SUSD5: variants seen among roughly 807,000 people sequenced by gnomAD.
SUSD5 encodes sushi domain containing 5.
A neutral mutation model predicts 29.5 loss-of-function variants in SUSD5; 33 were observed. The ratio of observed to expected loss-of-function variants is 1.12; its 90% CI spans 0.85 to 1.49. The LOEUF is 1.49. SUSD5 is among the 40% of genes most tolerant of loss of function. The pLI is 0.00. For missense variants in SUSD5, 776 were observed against 800.6 expected (o/e 0.97, Z 0.37); for synonymous variants, 308 against 325.3 (o/e 0.95, Z 0.57).
At chr3:33,192,926 G>T (rs957838049) in intron 3 of SUSD5, among the ~76,000 whole-genome samples, 22 of 152,090 alleles carry the variant, frequency 1.4e-4, no homozygotes, top group African/African-American at 5.1e-4. Flanking sequence ...CTAATTTGAA[G>T]TTTCACCATT....
At chr3:33,179,132 G>A (rs1027568413) in intron 3 of SUSD5, among the ~76,000 whole-genome samples, 1 of 152,198 alleles carries the variant, frequency 6.6e-6, no homozygotes, top group Admixed American at 6.5e-5. Flanking sequence ...CTATAGGCCT[G>A]TTCAGATTGC....
intron 4 of SUSD5, among the ~76,000 whole-genome samples, chr3:33,169,133 A>G (rs899780444): frequency 6.6e-6 from 1 of 152,252 alleles, no homozygotes; most frequent in Non-Finnish European, 1.5e-5. Flanking sequence ...AAAGGGGCAC[A>G]AGGAAACTTG....
Position 33,213,971 on chromosome 3 carries a change from A to C in SUSD5, c.247T>G (p.Phe83Val). The change falls in exon 2 of 5, where the codon TTT (phenylalanine) becomes GTT (valine). Residue 83 changes from phenylalanine (F) to valine (V), a missense_variant. Physicochemically the swap from Phe to Val is conservative, Grantham distance 50. Transcript: ENST00000309558. ...ELRRVVQDCS[F>V]AVCTTGWLAD... ...AGCCAGCCAGTGGTGCACACCGCAA[A>C]GGAGCAATCCTGTACCACTCTCCGC... is the stretch of plus-strand genomic sequence containing the variant. 6.2e-7 allele frequency: 1 copy of C among 1,612,332 alleles called. No homozygotes were observed. Among genetic ancestry groups the C allele is most frequent in the South Asian group, 1.1e-5 (1 of 90,776 alleles).
chr3:33,208,801 A>G (rs2032270107), intron 2 of SUSD5, among the ~76,000 whole-genome samples: 1 of 152,250 alleles, frequency 6.6e-6, no homozygotes, highest in Non-Finnish European at 1.5e-5. Context: ...AAAACACTAC[A>G]TATGAATACA....
chr3:33,197,818 C>T (rs181392941), intron 3 of SUSD5, among the ~76,000 whole-genome samples: 117 of 152,142 alleles, frequency 7.7e-4, no homozygotes, highest in African/African-American at 2.7e-3. Context: ...ATTTTATTGC[C>T]AAATACTAAT....
intron 3 of SUSD5, among the ~76,000 whole-genome samples, chr3:33,184,731 T>C (rs1301024266): frequency 1.3e-5 from 2 of 152,254 alleles, no homozygotes; most frequent in African/African-American, 4.8e-5. Context: ...GTTACAGTGC[T>C]CTTGATCTCT....
chr3:33,193,582 G>C (rs1426072790), intron 3 of SUSD5, among the ~76,000 whole-genome samples: 1 of 152,066 alleles, frequency 6.6e-6, no homozygotes, highest in Non-Finnish European at 1.5e-5. Flanking sequence ...GGTCTGGAGA[G>C]ATTAGGCTTG....
At chr3:33,182,444 C>T (rs988369790) in intron 3 of SUSD5, among the ~76,000 whole-genome samples, 3 of 152,200 alleles carry the variant, frequency 2.0e-5, no homozygotes, top group African/African-American at 7.2e-5. Context: ...ATCTAGTTAA[C>T]TAAATTGGCT....
At position 33,202,084 on chromosome 3, in the gene SUSD5, T is replaced by C. The variant is rs182907472; in HGVS notation, c.409+5724A>G. ...TCTGTCTATCTATCTATCTATCATC[T>C]ATCTATCATCTATCTGAAGCACCCA... is the stretch of plus-strand genomic sequence containing the variant. On this transcript the variant is annotated intron_variant, in intron 3 of 4. Coordinates refer to ENST00000309558, the MANE Select transcript of SUSD5 (RefSeq NM_015551.2). Among the ~76,000 whole-genome samples, 55 of 150,072 alleles carry C rather than the reference T, an allele frequency of 3.7e-4. No individual in the cohort carries two copies. In the South Asian group the frequency reaches 5.6e-3, roughly 15 times the overall value.
chr3:33,172,538 G>A (rs2031458573), intron 4 of SUSD5, among the ~76,000 whole-genome samples: 1 of 152,152 alleles, frequency 6.6e-6, no homozygotes, highest in South Asian at 2.1e-4. Flanking sequence ...TGGACCAACA[G>A]GAAGCTTGGT....
At chr3:33,183,130 A>G (rs2031707020) in intron 3 of SUSD5, among the ~76,000 whole-genome samples, 1 of 152,194 alleles carries the variant, frequency 6.6e-6, no homozygotes, top group Non-Finnish European at 1.5e-5. Flanking sequence ...CTTTATACTT[A>G]CAGTGGGTTT....
intron 3 of SUSD5, among the ~76,000 whole-genome samples, chr3:33,186,337 T>C (rs769148721): frequency 6.6e-6 from 1 of 151,248 alleles, no homozygotes; most frequent in Non-Finnish European, 1.5e-5. Flanking sequence ...TGAGAAATGA[T>C]GAAAATAGAA....
chr3:33,156,145 A>T (rs1242902906), intron 4 of SUSD5, among the ~76,000 whole-genome samples: 1 of 151,556 alleles, frequency 6.6e-6, no homozygotes, highest in Non-Finnish European at 1.5e-5. Context: ...GGTTCAAGCG[A>T]TTCTCCTGCC....
chr3:33,174,460 C>G (rs981091465), intron 4 of SUSD5, among the ~76,000 whole-genome samples: 6 of 152,166 alleles, frequency 3.9e-5, no homozygotes, highest in Non-Finnish European at 8.8e-5. Context: ...CAGGGCAGCC[C>G]AGAGCTGGGC....
rs528119495 is a variant in SUSD5, at chr3:33,173,280, C to G, written c.598+1606G>C. 2.2e-4 allele frequency among the ~76,000 whole-genome samples: 33 copies of G among 152,306 alleles called. No homozygotes were observed. In the East Asian group the frequency reaches 6.2e-3, roughly 28 times the overall value. ...CTCTCAGACACAGCTGATGGGAGAGCAGACTGGGCAAATACTTTAGAGAAC... is the reference window on the plus strand; with the variant it reads ...CTCTCAGACACAGCTGATGGGAGAGGAGACTGGGCAAATACTTTAGAGAAC... On this transcript the variant is annotated intron_variant, in intron 4 of 4. Transcript: ENST00000309558.
intron 4 of SUSD5, among the ~76,000 whole-genome samples, chr3:33,169,758 G>A (rs948486413): frequency 2.6e-5 from 4 of 152,148 alleles, no homozygotes; most frequent in East Asian, 1.9e-4. Flanking sequence ...CAGAGGCGGC[G>A]AGGCTGGTGG....
chr3:33,170,559 G>C (rs2031402426), intron 4 of SUSD5, among the ~76,000 whole-genome samples: 1 of 152,158 alleles, frequency 6.6e-6, no homozygotes, highest in South Asian at 2.1e-4. Context: ...ACACAGCCTG[G>C]TCGGCGTGTG....
Position 33,167,193 on chromosome 3 carries a change from T to C in SUSD5, c.598+7693A>G, listed in dbSNP as rs555183786. Among the ~76,000 whole-genome samples the C allele has an allele frequency of 1.6e-4, 24 of 150,114 alleles. No individual in the cohort carries two copies. Among genetic ancestry groups the C allele is most frequent in the African/African-American group, 5.6e-4 (23 of 41,070 alleles). ...AGACTCCATCTCAAAAAAATATATA[T>C]ATATATAAATATATATATAAAACAT... On this transcript the variant is annotated intron_variant, in intron 4 of 4. Transcript: ENST00000309558. This position sits in a 1 kb window ranked among gnomAD's most constrained non-coding sequence, Gnocchi z 4.1.
chr3:33,217,982 G>A (rs2032454624), intron 1 of SUSD5, among the ~76,000 whole-genome samples: 1 of 152,160 alleles, frequency 6.6e-6, no homozygotes, highest in African/African-American at 2.4e-5. Context: ...GCTCATTTTA[G>A]GGCAAGTATT....
Sources: allele counts gnomAD v4.1 joint callset (sites outside exome capture counted in the v4.1 genomes callset), GRCh38; gene constraint gnomAD v4.1.1; non-coding constraint Gnocchi (gnomAD v3.1); transcripts MANE v1.5; gene names NCBI Gene and HGNC (gene_info 2026-07-23, HGNC 2026-07-21).